Variants in EYS observed in about 807,000 individuals in gnomAD.
EYS encodes the protein protein eyes shut homolog.
Under a neutral mutation model 282.1 loss-of-function variants are expected in EYS, and 250 were observed. That is an observed-to-expected ratio of 0.89 (90% CI 0.80 to 0.98). EYS has a LOEUF of 0.98. Among genes scored for constraint, EYS ranks in the 50% least tolerant of loss-of-function variants. The pLI, the probability that EYS is intolerant of heterozygous loss-of-function variation, is 0.00. For synonymous variants in EYS, 1,355 were observed against 1,282.9 expected (o/e 1.06, Z -1.20); for missense variants, 4,016 against 3,709.0 (o/e 1.08, Z -2.15).
intron 22 of EYS, among the ~76,000 whole-genome samples, chr6:64,743,664 T>C (rs1772449156): frequency 1.3e-5 from 2 of 152,018 alleles, no homozygotes; most frequent in South Asian, 4.1e-4. Flanking sequence ...AAAGTAAGAG[T>C]GTTATAAATT....
At chr6:65,276,793 ATCCTAGG>A (rs746173064) in intron 12 of EYS, among the ~76,000 whole-genome samples, 28 of 152,152 alleles carry the variant, frequency 1.8e-4, no homozygotes, top group Non-Finnish European at 3.1e-4. Context: ...GCAGGGATTT[ATCCTAGG>A]TCACAGCCAG....
chr6:65,007,216 T>C (rs144269684), intron 13 of EYS, among the ~76,000 whole-genome samples: 43 of 152,242 alleles, frequency 2.8e-4, no homozygotes, highest in African/African-American at 1.0e-3. Context: ...ATTAGGACCA[T>C]AGAGGATGCT....
At chr6:65,258,695 G>A (rs1401265382) in intron 12 of EYS, among the ~76,000 whole-genome samples, 2 of 151,950 alleles carry the variant, frequency 1.3e-5, no homozygotes, top group Non-Finnish European at 2.9e-5. Flanking sequence ...ATTTTGCGGT[G>A]GAATATAAAT....
rs990891567 is a variant in EYS, at chr6:64,955,397, C to T, written c.2260-9483G>A. On this transcript the variant is annotated intron_variant, in intron 14 of 42. Coordinates refer to ENST00000503581, the MANE Select transcript of EYS (RefSeq NM_001142800.2). ...AATCGATATTGTTAAAACATCCATA[C>T]TATTGGGAGAGGACATAGTTAGAGG... Among the ~76,000 whole-genome samples, 17 of 152,116 alleles carry T rather than the reference C, an allele frequency of 1.1e-4. 1 individual carries two copies. The highest frequency in any genetic ancestry group is 4.1e-4 in the African/African-American group (17 of 41,490).
intron 36 of EYS, among the ~76,000 whole-genome samples, chr6:63,851,702 G>A (rs909517283): frequency 1.3e-5 from 2 of 152,146 alleles, no homozygotes; most frequent in African/African-American, 4.8e-5. Flanking sequence ...AGCATTAAGT[G>A]CCCACATCAG....
intron 28 of EYS, among the ~76,000 whole-genome samples, chr6:64,425,654 C>CA (rs1189147730): frequency 3.2e-5 from 3 of 92,960 alleles, no homozygotes; most frequent in African/African-American, 4.5e-5. Flanking sequence ...AACTCCATCC[C>CA]AGGAAAAAAA....
chr6:64,381,755 T>C (rs626227), intron 29 of EYS, among the ~76,000 whole-genome samples: 109,265 of 152,148 alleles, frequency 0.72, 39,326 homozygotes, highest in African/African-American at 0.78. Context: ...TGCCAGATGG[T>C]TTTTTAATGC....
chr6:64,263,799 G>A (rs1378357704), intron 30 of EYS, among the ~76,000 whole-genome samples: 3 of 151,920 alleles, frequency 2.0e-5, no homozygotes, highest in South Asian at 4.1e-4. Context: ...TAAAGTTATC[G>A]ACCCAAAAAT....
intron 12 of EYS, among the ~76,000 whole-genome samples, chr6:65,093,879 A>G (rs1184096346): frequency 6.6e-6 from 1 of 151,776 alleles, no homozygotes; most frequent in Admixed American, 6.6e-5. Flanking sequence ...TATGCTGTCT[A>G]TAAGAAACCC....
intron 2 of EYS, among the ~76,000 whole-genome samples, chr6:65,633,490 G>A (rs1347982411): frequency 6.6e-6 from 1 of 152,130 alleles, no homozygotes; most frequent in Non-Finnish European, 1.5e-5. Flanking sequence ...GTAGAGGTAG[G>A]CGAAGTAGGT....
chr6:64,389,289 C>T (rs1352921102), intron 28 of EYS, among the ~76,000 whole-genome samples: 1 of 151,932 alleles, frequency 6.6e-6, no homozygotes, highest in Non-Finnish European at 1.5e-5. Flanking sequence ...ATAAATTATA[C>T]CAATAAGCAA....
At chr6:65,076,374 C>T (rs970334720) in intron 12 of EYS, among the ~76,000 whole-genome samples, 2 of 151,716 alleles carry the variant, frequency 1.3e-5, no homozygotes, top group East Asian at 3.9e-4. Context: ...TAATCAGAGA[C>T]AAAATTACAT....
intron 5 of EYS, among the ~76,000 whole-genome samples, chr6:65,408,930 T>C (rs9445541): frequency 0.2 from 29,669 of 152,060 alleles, 3,105 homozygotes; most frequent in South Asian, 0.35. Context: ...ATTTTTCATA[T>C]GGTTCCATGT....
chr6:65,343,039 G>A (rs1770256985), intron 10 of EYS, among the ~76,000 whole-genome samples: 1 of 150,886 alleles, frequency 6.6e-6, no homozygotes, highest in African/African-American at 2.4e-5. Flanking sequence ...TATGTGATTG[G>A]CAAAATATAT....
intron 28 of EYS, among the ~76,000 whole-genome samples, chr6:64,391,593 C>T (rs1341267654): frequency 6.6e-6 from 1 of 151,980 alleles, no homozygotes; most frequent in African/African-American, 2.4e-5. Flanking sequence ...TTTGTCACCA[C>T]CAGGCCTGCC....
chr6:65,559,810 C>T (rs1262501911), intron 2 of EYS, among the ~76,000 whole-genome samples: 1 of 151,828 alleles, frequency 6.6e-6, no homozygotes, highest in Non-Finnish European at 1.5e-5. Context: ...ATTTATGGTA[C>T]TGAAAATTAC....
intron 35 of EYS, among the ~76,000 whole-genome samples, chr6:63,894,689 C>T (rs1773491334): frequency 1.3e-5 from 2 of 151,844 alleles, no homozygotes; most frequent in African/African-American, 4.8e-5. Flanking sequence ...TCAAGCGATT[C>T]CCCTGCCTCA....
intron 35 of EYS, among the ~76,000 whole-genome samples, chr6:63,977,815 C>T (rs1345326217): frequency 2.6e-5 from 4 of 151,934 alleles, no homozygotes; most frequent in Non-Finnish European, 5.9e-5. Flanking sequence ...TCAAATCCCT[C>T]CTGTCCCAAG....
intron 19 of EYS, among the ~76,000 whole-genome samples, chr6:64,839,762 G>C (rs1233390138): frequency 6.6e-6 from 1 of 151,966 alleles, no homozygotes; most frequent in African/African-American, 2.4e-5. Flanking sequence ...CTTGTTGCTG[G>C]ATCCTAGAGG....
Sources: allele counts gnomAD v4.1 joint callset (sites outside exome capture counted in the v4.1 genomes callset), GRCh38; gene constraint gnomAD v4.1.1; transcripts MANE v1.5; gene names NCBI Gene and HGNC (gene_info 2026-07-23, HGNC 2026-07-21).